The following AMMECR1 variants were observed in gnomAD, a reference collection of about 807,000 sequenced individuals.
AMMECR1 encodes the protein AMMECR nuclear protein 1, also known as nuclear protein AMMECR1.
AMMECR1 carries 3 observed loss-of-function variants against 22.5 expected under a neutral mutation model. That is an observed-to-expected ratio of 0.13 (90% CI 0.06 to 0.35). AMMECR1 has a LOEUF of 0.35. Ranked by LOEUF, AMMECR1 falls within the 10% of genes least tolerant of loss-of-function variation. The pLI is 1.00. For synonymous variants in AMMECR1, 130 were observed against 116.7 expected (o/e 1.11, Z -0.74); for missense variants, 235 against 278.7 (o/e 0.84, Z 1.12).
intron 1 of AMMECR1, among the ~76,000 whole-genome samples, chrX:110,287,911 A>AT (rs34812475): frequency 8.9e-6 from 1 of 112,063 alleles, no homozygotes; most frequent in East Asian, 2.8e-4. Flanking sequence ...CTTCTCTACT[A>AT]TTTTTGCCAT....
upstream of AMMECR1, chrX:110,318,372 G>A (rs1311275100): frequency 8.9e-6 from 1 of 112,016 alleles, no homozygotes; most frequent in African/African-American, 3.3e-5. Context: ...GCAGAGGTTG[G>A]AAGACAGGAA....
At chrX:110,325,518 T>G (rs2148231564) in intron 2 of AMMECR1, among the ~76,000 whole-genome samples, 1 of 112,297 alleles carries the variant, frequency 8.9e-6, no homozygotes, top group South Asian at 3.7e-4. Flanking sequence ...TTTGAGTCAC[T>G]TTTGATAGTT....
chrX:110,318,156 C>A, upstream of AMMECR1: 1 of 876,828 alleles, frequency 1.1e-6, no homozygotes. Flanking sequence ...CGGCTCAGGC[C>A]GCCGGGGGCG....
chrX:110,424,862 A>G (rs765825001), intron 2 of AMMECR1, among the ~76,000 whole-genome samples: 2 of 111,942 alleles, frequency 1.8e-5, no homozygotes, highest in East Asian at 5.6e-4. Context: ...TTTCCAGATC[A>G]AGGACCTCAA....
At chrX:110,247,343 C>T (rs1183898313) in intron 2 of AMMECR1, among the ~76,000 whole-genome samples, 1 of 111,897 alleles carries the variant, frequency 8.9e-6, no homozygotes, top group Non-Finnish European at 1.9e-5. Context: ...ATAGCTTGAG[C>T]CTAGGTGATT....
intron 1 of AMMECR1, among the ~76,000 whole-genome samples, chrX:110,295,164 A>G (rs2148214895): frequency 8.9e-6 from 1 of 111,874 alleles, no homozygotes; most frequent in Admixed American, 9.5e-5. Context: ...AGTGATAGAT[A>G]CTTCACATTA....
chrX:110,268,337 A>G (rs1305926763), intron 1 of AMMECR1, among the ~76,000 whole-genome samples: 1 of 112,307 alleles, frequency 8.9e-6, no homozygotes. Context: ...ATGCCTGAAG[A>G]TGGAAGAAGT....
At chrX:110,237,696 C>T (rs934127291) in intron 2 of AMMECR1, among the ~76,000 whole-genome samples, 1 of 111,833 alleles carries the variant, frequency 8.9e-6, no homozygotes, top group African/African-American at 3.3e-5. Flanking sequence ...TCCTTTGCCA[C>T]TGCCATGTCC....
chrX:110,312,653 T>C (rs988119970), intron 1 of AMMECR1, among the ~76,000 whole-genome samples: 2 of 112,309 alleles, frequency 1.8e-5, no homozygotes, highest in African/African-American at 6.5e-5. Context: ...GATTTATATT[T>C]CTCCATCCTT....
intron 3 of AMMECR1, among the ~76,000 whole-genome samples, chrX:110,210,473 A>T (rs1036070689): frequency 1.8e-5 from 2 of 111,514 alleles, no homozygotes; most frequent in African/African-American, 6.5e-5. Context: ...AACATATACA[A>T]CCAGAAGTCA....
chrX:110,306,096 A>G (rs2067993269), intron 1 of AMMECR1, among the ~76,000 whole-genome samples: 1 of 111,059 alleles, frequency 9.0e-6, no homozygotes, highest in Non-Finnish European at 1.9e-5. Flanking sequence ...CCTGGCTAAC[A>G]CGGTGAAACC....
chrX:110,359,170 G>T (rs2068246180), intron 2 of AMMECR1, among the ~76,000 whole-genome samples: 1 of 111,173 alleles, frequency 9.0e-6, no homozygotes, highest in Non-Finnish European at 1.9e-5. Context: ...AGGCAGTCTG[G>T]ATCTAGTGGC....
chrX:110,356,012 T>C (rs1238045831), intron 2 of AMMECR1, among the ~76,000 whole-genome samples: 1 of 111,080 alleles, frequency 9.0e-6, no homozygotes. Flanking sequence ...ATCTCCTACG[T>C]GAAATCTTAA....
At chrX:110,376,366 C>T (rs915970383) in intron 2 of AMMECR1, among the ~76,000 whole-genome samples, 3 of 111,111 alleles carry the variant, frequency 2.7e-5, no homozygotes, top group African/African-American at 6.6e-5. Flanking sequence ...AGCCTGCCTC[C>T]AGACAGGGAT....
intron 2 of AMMECR1, among the ~76,000 whole-genome samples, chrX:110,395,688 G>A (rs1013151758): frequency 1.8e-5 from 2 of 111,045 alleles, no homozygotes; most frequent in Admixed American, 9.5e-5. Flanking sequence ...CGTGTTTGAA[G>A]GGGAGAGACA....
chrX:110,235,964 A>T (rs2067598739), intron 2 of AMMECR1, among the ~76,000 whole-genome samples: 3 of 111,945 alleles, frequency 2.7e-5, no homozygotes, highest in Admixed American at 9.4e-5. Flanking sequence ...AGTATAATAA[A>T]AAAAAAAGAA....
chrX:110,273,026 C>G (rs906342331), intron 1 of AMMECR1, among the ~76,000 whole-genome samples: 28 of 111,581 alleles, frequency 2.5e-4, no homozygotes, highest in African/African-American at 9.1e-4. Flanking sequence ...TGGTAGATAC[C>G]CAGTAGTGGG....
At chrX:110,324,446 T>C (rs1430484061) in intron 2 of AMMECR1, among the ~76,000 whole-genome samples, 4 of 111,720 alleles carry the variant, frequency 3.6e-5, no homozygotes, top group Non-Finnish European at 5.6e-5. Flanking sequence ...TGGATGTATT[T>C]TTTTTTCTCT....
At chrX:110,348,399 A>G (rs2068198847) in intron 2 of AMMECR1, among the ~76,000 whole-genome samples, 1 of 112,207 alleles carries the variant, frequency 8.9e-6, no homozygotes, top group African/African-American at 3.2e-5. Flanking sequence ...TTAGCTTTCC[A>G]TTCTGTCCCT....
Sources: allele counts gnomAD v4.1 joint callset (sites outside exome capture counted in the v4.1 genomes callset), GRCh38; gene constraint gnomAD v4.1.1; transcripts MANE v1.5; gene names NCBI Gene and HGNC (gene_info 2026-07-23, HGNC 2026-07-21).